Variants in DNM3 observed in about 807,000 individuals in gnomAD.
DNM3 encodes dynamin 3.
In DNM3, 47 loss-of-function variants were observed where a neutral mutation model predicts 101.6. The ratio of observed to expected loss-of-function variants is 0.46; its 90% CI spans 0.37 to 0.59. The LOEUF is 0.59. DNM3 is among the 20% of genes least tolerant of loss of function. The pLI is 0.00. For synonymous variants in DNM3, 385 were observed against 387.9 expected (o/e 0.99, Z 0.09); for missense variants, 849 against 1,085.7 (o/e 0.78, Z 3.06).
intron 1 of DNM3, among the ~76,000 whole-genome samples, chr1:171,861,819 G>C (rs564963958): frequency 6.6e-6 from 1 of 152,160 alleles, no homozygotes; most frequent in Non-Finnish European, 1.5e-5. Context: ...AGAATGGGGG[G>C]AAATTTTTGC....
At chr1:172,196,263 C>T (rs186068425) in intron 14 of DNM3, among the ~76,000 whole-genome samples, 137 of 152,076 alleles carry the variant, frequency 9.0e-4, no homozygotes, top group Non-Finnish European at 1.6e-3. Context: ...CATAGTATTC[C>T]GTGGTGTATA....
intron 2 of DNM3, among the ~76,000 whole-genome samples, chr1:171,956,868 C>A (rs114385009): frequency 2.5e-4 from 38 of 152,302 alleles, no homozygotes; most frequent in Non-Finnish European, 1.2e-4. Flanking sequence ...TGGAAGCTAC[C>A]AGGGCTTGGG....
At chr1:172,242,813 A>G (rs75036620) in intron 14 of DNM3, among the ~76,000 whole-genome samples, 3 of 152,266 alleles carry the variant, frequency 2.0e-5, no homozygotes, top group African/African-American at 2.4e-5. Flanking sequence ...ATACCCACGC[A>G]TGTGGGTACC....
rs574089410 is a variant in DNM3, at chr1:171,906,435, CT to C, written c.162-15301del. On this transcript the variant is annotated intron_variant, in intron 1 of 20. Coordinates refer to ENST00000627582, the MANE Select transcript of DNM3 (RefSeq NM_015569.5). ...GAGCCACCACGCCCTACCAACAAAA[CT>C]TTTTTTTTTTTGCCCGACCCCCAGC... Among the ~76,000 whole-genome samples the C allele has an allele frequency of 1.4e-3, 206 of 144,950 alleles. 1 individual carries two copies. The highest frequency in any genetic ancestry group is 4.8e-3 in the South Asian group (22 of 4,582).
At chr1:172,211,740 A>C (rs1439935116) in intron 14 of DNM3, among the ~76,000 whole-genome samples, 1 of 152,186 alleles carries the variant, frequency 6.6e-6, no homozygotes, top group African/African-American at 2.4e-5. Context: ...AAGACTACAC[A>C]TACAAAATTG....
At chr1:171,960,579 G>A (rs1032787015) in intron 2 of DNM3, among the ~76,000 whole-genome samples, 1 of 152,106 alleles carries the variant, frequency 6.6e-6, no homozygotes, top group African/African-American at 2.4e-5. Flanking sequence ...GTGGGTTAGT[G>A]GATTAATGGG....
rs2071191150 is a variant in DNM3, at chr1:172,411,327, G to A, written c.*3486G>A. 1 of 984,806 alleles carries A rather than the reference G, an allele frequency of 1.0e-6. No homozygotes were observed. The highest frequency in any genetic ancestry group is 1.7e-5 in the African/African-American group (1 of 57,170). The allele number at this position is 984,806 out of a possible 1,614,324, so 61.0% of individuals were successfully genotyped here. A position where few individuals can be genotyped will look rare whatever the true frequency, so the allele number is the denominator to read the frequency against. On this transcript the variant is annotated 3_prime_UTR_variant, in exon 21 of 21. Transcript: ENST00000627582. ...AGCTCATAATTACCATGACAACATG[G>A]TAATGTCCATAGACATTTGTATCTG...
chr1:172,280,733 C>T (rs1412554989), intron 15 of DNM3, among the ~76,000 whole-genome samples: 1 of 152,106 alleles, frequency 6.6e-6, no homozygotes, highest in Non-Finnish European at 1.5e-5. Flanking sequence ...AAAAGAAAAA[C>T]ATTTATGAAA....
Position 172,412,678 on chromosome 1 carries a change from T to A in DNM3, c.*4837T>A, listed in dbSNP as rs1459975501. The A allele has an allele frequency of 3.0e-6, 3 of 985,786 alleles. No individual in the cohort carries two copies. In the East Asian group the frequency reaches 3.4e-4, roughly 112 times the overall value. The allele number at this position is 985,786 out of a possible 1,614,324, so 61.1% of individuals were successfully genotyped here. A position where few individuals can be genotyped will look rare whatever the true frequency, so the allele number is the denominator to read the frequency against. Reference sequence around the variant, plus strand: ...TGTACCTATTGTGAAAATGTGAAGCTGTATTTCTGAAGCTGAAATAAATTA... The same window carrying A: ...TGTACCTATTGTGAAAATGTGAAGCAGTATTTCTGAAGCTGAAATAAATTA... On this transcript the variant is annotated 3_prime_UTR_variant, in exon 21 of 21. Coordinates refer to ENST00000627582, the MANE Select transcript of DNM3 (RefSeq NM_015569.5).
chr1:171,885,853 C>T lies in DNM3; in HGVS notation c.162-35895C>T, dbSNP rs1359446880. 2.6e-5 allele frequency among the ~76,000 whole-genome samples: 4 copies of T among 152,214 alleles called. No homozygotes were observed. In the South Asian group the frequency reaches 8.3e-4, roughly 32 times the overall value. On this transcript the variant is annotated intron_variant, in intron 1 of 20. Coordinates refer to ENST00000627582, the MANE Select transcript of DNM3 (RefSeq NM_015569.5). ...GGGTGGCCAAGGGTAGCTGTTTGCACAGTGAGGGTTAGGGGGTGGATAGAT... is the reference window on the plus strand; with the variant it reads ...GGGTGGCCAAGGGTAGCTGTTTGCATAGTGAGGGTTAGGGGGTGGATAGAT...
intron 12 of DNM3, among the ~76,000 whole-genome samples, chr1:172,091,121 C>T (rs1359906007): frequency 4.6e-5 from 7 of 152,088 alleles, no homozygotes; most frequent in Non-Finnish European, 1.0e-4. Flanking sequence ...GGCTTTTAAC[C>T]CTCTGTGCTT....
At chr1:172,207,856 A>G (rs2060375773) in intron 14 of DNM3, among the ~76,000 whole-genome samples, 1 of 152,090 alleles carries the variant, frequency 6.6e-6, no homozygotes, top group South Asian at 2.1e-4. Flanking sequence ...AAAATATATC[A>G]TAGTATCTCA....
At chr1:171,971,058 T>G (rs1028339181) in intron 2 of DNM3, among the ~76,000 whole-genome samples, 1 of 152,096 alleles carries the variant, frequency 6.6e-6, no homozygotes, top group Non-Finnish European at 1.5e-5. Flanking sequence ...TTATTTAACA[T>G]TTAACCACAA....
chr1:172,324,340 A>G (rs1345061196), intron 17 of DNM3, among the ~76,000 whole-genome samples: 1 of 152,224 alleles, frequency 6.6e-6, no homozygotes, highest in East Asian at 1.9e-4. Context: ...TAAGCCATAC[A>G]TATAGAATGT....
chr1:172,021,492 A>T (rs978255323), intron 4 of DNM3, among the ~76,000 whole-genome samples: 6 of 152,190 alleles, frequency 3.9e-5, no homozygotes, highest in Non-Finnish European at 8.8e-5. Context: ...ACAGCAAAAT[A>T]AAAAAGGAAG....
intron 1 of DNM3, among the ~76,000 whole-genome samples, chr1:171,911,350 G>T (rs555595944): frequency 7.4e-6 from 1 of 135,980 alleles, no homozygotes; most frequent in Non-Finnish European, 1.5e-5. Flanking sequence ...GTGCAATCTC[G>T]GCTCACTGCA....
At chr1:171,890,592 C>T (rs1045950884) in intron 1 of DNM3, among the ~76,000 whole-genome samples, 1 of 152,138 alleles carries the variant, frequency 6.6e-6, no homozygotes, top group Non-Finnish European at 1.5e-5. Context: ...TAACCAACTT[C>T]CACTGGGAAA....
intron 1 of DNM3, among the ~76,000 whole-genome samples, chr1:171,850,530 T>G (rs1343803668): frequency 6.6e-6 from 1 of 152,208 alleles, no homozygotes; most frequent in Non-Finnish European, 1.5e-5. Context: ...TTTTTATAGA[T>G]CCTAGCATTC....
chr1:172,006,547 T>A (rs1346536748), intron 4 of DNM3, among the ~76,000 whole-genome samples: 1 of 152,104 alleles, frequency 6.6e-6, no homozygotes, highest in Non-Finnish European at 1.5e-5. Flanking sequence ...TACAAATAAC[T>A]GTACCCAATG....
Sources: allele counts gnomAD v4.1 joint callset (sites outside exome capture counted in the v4.1 genomes callset), GRCh38; gene constraint gnomAD v4.1.1; transcripts MANE v1.5; gene names NCBI Gene and HGNC (gene_info 2026-07-23, HGNC 2026-07-21).